Variants in POLE observed in about 807,000 individuals in gnomAD.
POLE encodes DNA polymerase epsilon catalytic subunit A.
A neutral mutation model predicts 279.2 loss-of-function variants in POLE; 188 were observed. The observed-to-expected ratio is 0.67, with a 90% CI of 0.60 to 0.76. POLE has a LOEUF of 0.76. Among genes scored for constraint, POLE ranks in the 30% least tolerant of loss-of-function variants. The pLI is 0.00. For missense variants in POLE, 2,703 were observed against 3,016.7 expected (o/e 0.90, Z 2.44); for synonymous variants, 1,214 against 1,172.5 (o/e 1.04, Z -0.72).
chr12:132,633,710 G>A, intron 43 of POLE: 1 of 155,220 alleles, frequency 6.4e-6, no homozygotes, highest in Non-Finnish European at 1.4e-5. Context: ...AGCTTGATTT[G>A]CAAACTCTAA....
chr12:132,665,957 G>A (rs533498874), intron 20 of POLE, among the ~76,000 whole-genome samples: 2 of 152,350 alleles, frequency 1.3e-5, no homozygotes, highest in African/African-American at 4.8e-5. Context: ...TATTTGATGA[G>A]GGAGACAGAT....
chr12:132,683,335 G>A (rs926856924), intron 1 of POLE, among the ~76,000 whole-genome samples: 7 of 152,150 alleles, frequency 4.6e-5, no homozygotes, highest in African/African-American at 7.2e-5. Flanking sequence ...AGAGGGTAGG[G>A]GGGAGAGGAG....
Position 132,643,141 on chromosome 12 carries a change from A to AG in POLE, c.4551+82dup, listed in dbSNP as rs997254833. ...AAAGGCCCTTGAGGACAAGACCTGG[A>AG]GGGCCTGGGCACCCTGGGAGATGTC... On this transcript the variant is annotated intron_variant, in intron 35 of 48. Coordinates refer to ENST00000320574, the MANE Select transcript of POLE (RefSeq NM_006231.4). 4 of 1,503,568 alleles carry AG rather than the reference A, an allele frequency of 2.7e-6. No homozygotes were observed. The African/African-American group carries it at 5.5e-5, about 21-fold the overall frequency. The allele number at this position is 1,503,568 out of a possible 1,614,324, so 93.1% of individuals were successfully genotyped here. A position where few individuals can be genotyped will look rare whatever the true frequency, so the allele number is the denominator to read the frequency against.
chr12:132,630,515 C>T (rs754350005), intron 45 of POLE, among the ~76,000 whole-genome samples: 1 of 151,916 alleles, frequency 6.6e-6, no homozygotes, highest in Non-Finnish European at 1.5e-5. Flanking sequence ...TTTGGGAGGC[C>T]GAAGCAGGTG....
In POLE at chr12:132,673,633, T is replaced by C. The variant is rs1213837011; in HGVS notation, c.1301A>G (p.Tyr434Cys). The change falls in exon 13 of 49, where the codon TAT (tyrosine) becomes TGT (cysteine). Residue 434 changes from tyrosine to cysteine, a missense_variant. By Grantham distance (194) the Tyr-to-Cys change is radical (BLOSUM62 -2). Around this residue, in one of 5 missense-constraint regions of POLE, gnomAD observed 1,011 missense variants for 1,111.7 expected, o/e 0.91. Coordinates refer to ENST00000320574, the MANE Select transcript of POLE (RefSeq NM_006231.4). ...CTCCGGGTCTAGCTCCACGGGATCA[T>C]AGCCTAGCTTGGCCTTGGCGGCCGC... ...LKAAAKAKLGYDPVELDPEDM... is the reference protein window; with the variant it reads ...LKAAAKAKLGCDPVELDPEDM... 6.2e-7 allele frequency: 1 copy of C among 1,613,990 alleles called. No individual in the cohort carries two copies. The highest frequency in any genetic ancestry group is 8.5e-7 in the Non-Finnish European group (1 of 1,179,986).
chr12:132,674,748 G>T (rs888142017), intron 12 of POLE, among the ~76,000 whole-genome samples: 1 of 152,254 alleles, frequency 6.6e-6, no homozygotes, highest in East Asian at 1.9e-4. Flanking sequence ...AAACAGAAAC[G>T]CATTCAGGCT....
intron 8 of POLE, among the ~76,000 whole-genome samples, chr12:132,677,082 T>A (rs944150979): frequency 3.3e-5 from 5 of 152,206 alleles, no homozygotes; most frequent in African/African-American, 1.2e-4. Context: ...TTTCACCATG[T>A]CCCTTCACTA....
intron 29 of POLE, among the ~76,000 whole-genome samples, chr12:132,653,822 A>T (rs952071773): frequency 2.6e-5 from 4 of 151,060 alleles, no homozygotes; most frequent in African/African-American, 9.8e-5. Flanking sequence ...TTATCAGGTT[A>T]AGAAACATCT....
Position 132,659,280 on chromosome 12 carries a change from G to A in POLE, c.3275+15C>T, listed in dbSNP as rs754127082. On this transcript the variant is annotated intron_variant, in intron 26 of 48. Coordinates refer to ENST00000320574, the MANE Select transcript of POLE (RefSeq NM_006231.4). ...GGAGGAGCCCTCACCTCTCCGTGAT[G>A]GGGGGAGCCCTCACCTCTCCGTGAC... The A allele has an allele frequency of 2.5e-6, 4 of 1,609,320 alleles. No homozygotes were observed. The highest frequency in any genetic ancestry group is 1.7e-6 in the Non-Finnish European group (2 of 1,177,444).
intron 25 of POLE, 22 bp from the exon 26 acceptor site, chr12:132,659,531 AAC>A (rs1229347353): frequency 6.3e-7 from 1 of 1,599,538 alleles, no homozygotes; most frequent in East Asian, 2.2e-5. Context: ...CAATGGGTAA[AAC>A]ACTGCAGAAA....
chr12:132,682,382 G>A (rs1440208079), intron 1 of POLE, among the ~76,000 whole-genome samples: 1 of 152,112 alleles, frequency 6.6e-6, no homozygotes, highest in East Asian at 1.9e-4. Context: ...TACTCAGGAG[G>A]CTGAGGCAGG....
At position 132,681,352 on chromosome 12, in the gene POLE, CTTTTTTTTT is replaced by C. The variant is rs546595436; in HGVS notation, c.63-82_63-74del. The C allele has an allele frequency of 1.6e-3, 2,327 of 1,441,160 alleles. 42 individuals are homozygous for C. In the South Asian group the frequency reaches 0.027, roughly 17 times the overall value. 89.3% of individuals were successfully genotyped at this position (1,441,160 alleles called of 1,614,324 possible). A position where few individuals can be genotyped will look rare whatever the true frequency, so the allele number is the denominator to read the frequency against. The stretch of plus-strand genomic sequence containing the variant: ...TGCTGCTTCTTTTTTTCTTTTTTTT[CTTTTTTTTT>C]GAGACGGAGTCTTGCTCTGTCGCCT... On this transcript the variant is annotated intron_variant, in intron 1 of 48. Coordinates refer to ENST00000320574, the MANE Select transcript of POLE (RefSeq NM_006231.4).
At chr12:132,666,923 G>A (rs2042809485) in intron 20 of POLE, among the ~76,000 whole-genome samples, 1 of 152,210 alleles carries the variant, frequency 6.6e-6, no homozygotes, top group Non-Finnish European at 1.5e-5. Flanking sequence ...GCAGGGCAGT[G>A]CAGGATGCCA....
At chr12:132,645,529 T>G (rs190799214) in intron 32 of POLE, among the ~76,000 whole-genome samples, 3 of 152,128 alleles carry the variant, frequency 2.0e-5, no homozygotes, top group African/African-American at 7.2e-5. Flanking sequence ...TGAGCTGACA[T>G]TGGAAGCTTT....
intron 3 of POLE, 141 bp from the exon 4 acceptor site, chr12:132,680,363 G>C (rs1475335799): frequency 1.3e-6 from 1 of 780,176 alleles, no homozygotes; most frequent in Non-Finnish European, 2.2e-6. Flanking sequence ...CAGGAAGTCA[G>C]AATGCGCACT....
At chr12:132,662,834 T>C (rs1159030970) in intron 23 of POLE, among the ~76,000 whole-genome samples, 1 of 152,120 alleles carries the variant, frequency 6.6e-6, no homozygotes, top group Non-Finnish European at 1.5e-5. Context: ...GCCACTCCGG[T>C]CCTATGAACA....
In POLE at chr12:132,687,319, G is replaced by A. The variant is rs776115380; in HGVS notation, c.-4C>T. On this transcript the variant is annotated 5_prime_UTR_variant, in exon 1 of 49. Transcript: ENST00000320574. The stretch of plus-strand genomic sequence containing the variant: ...GCCCGCCGCTCCTCAGAGACATGGA[G>A]CCGTTGGCTACCACCTCTGCTTCAG... 9 of 1,500,260 alleles carry A rather than the reference G, an allele frequency of 6.0e-6. No individual in the cohort carries two copies. In the South Asian group the frequency reaches 7.5e-5, roughly 12 times the overall value. The allele number at this position is 1,500,260 out of a possible 1,614,324, so 92.9% of individuals were successfully genotyped here. A position where few individuals can be genotyped will look rare whatever the true frequency, so the allele number is the denominator to read the frequency against.
intron 26 of POLE, 57 bp downstream of exon 26, chr12:132,659,238 C>G (rs2042623377): frequency 6.4e-7 from 1 of 1,553,526 alleles, no homozygotes; most frequent in Non-Finnish European, 8.8e-7. Flanking sequence ...GGAGGGAGCC[C>G]TCACCTGTCC....
At position 132,625,715 on chromosome 12, in the gene POLE, G is replaced by T. The variant is rs1179972134; in HGVS notation, c.6587C>A (p.Ser2196Tyr). Residue 2196 changes from serine to tyrosine, a missense_variant, in exon 47 of 49, where the codon TCC becomes TAC. Physicochemically the swap from Ser to Tyr is moderately radical, Grantham distance 144. This residue lies in a region of POLE where 1,551 missense variants were observed against 1,686.1 expected (regional missense o/e 0.92). Transcript: ENST00000320574. ...LCSNCQAPYD[S>Y]SAIEMTLVEV... Reference sequence around the variant, plus strand: ...CACCAGCGTCATCTCGATGGCAGAGGAGTCGTAGGGCGCCTGACAGTTGGA... The same window carrying T: ...CACCAGCGTCATCTCGATGGCAGAGTAGTCGTAGGGCGCCTGACAGTTGGA... 1.9e-6 allele frequency: 3 copies of T among 1,613,508 alleles called. No homozygotes were observed. Among genetic ancestry groups the T allele is most frequent in the Admixed American group, 1.7e-5 (1 of 60,030 alleles).
Sources: gnomAD v4.1 joint callset for allele counts (sites outside exome capture counted in the v4.1 genomes callset) on GRCh38, gnomAD v4.1.1 for gene constraint, gnomAD v4.1.1 regional missense constraint, MANE v1.5 for transcripts, NCBI Gene and HGNC (gene_info 2026-07-23, HGNC 2026-07-21) for gene names.